Variants in NPIPB11 observed in about 807,000 individuals in gnomAD.
NPIPB11 encodes the protein nuclear pore complex-interacting protein family member B11.
A neutral mutation model predicts 32.8 loss-of-function variants in NPIPB11; 17 were observed. The observed-to-expected ratio is 0.52, with a 90% CI of 0.35 to 0.78. NPIPB11 has a LOEUF of 0.78. Ranked by LOEUF, NPIPB11 falls within the 30% of genes least tolerant of loss-of-function variation. The pLI is 0.01. For synonymous variants in NPIPB11, 209 were observed against 398.4 expected (o/e 0.52, Z 5.66); for missense variants, 537 against 1,000.4 (o/e 0.54, Z 6.25).
upstream of NPIPB11, among the ~76,000 whole-genome samples, chr16:29,406,565 T>C (rs979443586): frequency 6.6e-5 from 10 of 152,166 alleles, no homozygotes; most frequent in African/African-American, 2.4e-4. Flanking sequence ...AATACAAAAA[T>C]TAGCCATGCC....
chr16:29,382,367 C>T (rs76780041), exon 8 of NPIPB11: 12 of 500,354 alleles, frequency 2.4e-5, no homozygotes, highest in Admixed American at 8.4e-5. Flanking sequence ...AGCTGACGCT[C>T]GGAAGGTGTC....
At chr16:29,397,122 G>A (rs1275652750) in intron 2 of NPIPB11, among the ~76,000 whole-genome samples, 2 of 148,422 alleles carry the variant, frequency 1.3e-5, no homozygotes, top group Admixed American at 6.7e-5. Flanking sequence ...AGTGAGCCGA[G>A]ATCTTGCCAC....
chr16:29,403,930 C>G (rs1289799997), intron 1 of NPIPB11, 73 bp downstream of exon 1: 1 of 607,950 alleles, frequency 1.6e-6, no homozygotes, highest in Non-Finnish European at 2.8e-6. Context: ...CAGAAAAGGA[C>G]AGAACCAAGT....
chr16:29,402,724 C>CTCTCTCTCTCTCTG (rs1449821025), intron 2 of NPIPB11, among the ~76,000 whole-genome samples: 10 of 119,674 alleles, frequency 8.4e-5, no homozygotes, highest in South Asian at 6.8e-4. Context: ...CTCTCTCTCT[C>CTCTCTCTCTCTCTG]TGTGTGTGTG....
rs1475474446 is a variant in NPIPB11 at position 29,387,815 on chromosome 16, T to TA, written c.546-1961dup. On this transcript the variant is annotated intron_variant, in intron 5 of 7. Transcript: ENST00000524087. ...TCCTGATCCTAAGGATCTCACCTGA[T>TA]ACTTGGTTTTATAGGAAGGATGTGT... is the stretch of plus-strand genomic sequence containing the variant. Among the ~76,000 whole-genome samples the TA allele has an allele frequency of 2.0e-4, 10 of 49,836 alleles. 1 individual carries two copies. Among genetic ancestry groups the TA allele is most frequent in the Non-Finnish European group, 4.8e-4 (9 of 18,844 alleles). 32.7% of individuals were successfully genotyped at this position (49,836 alleles called of 152,430 possible).
upstream of NPIPB11, among the ~76,000 whole-genome samples, chr16:29,406,347 T>C (rs556206468): frequency 2.0e-5 from 3 of 152,412 alleles, no homozygotes; most frequent in South Asian, 2.1e-4. Context: ...AAAAATTGCA[T>C]ACATTTATAC....
chr16:29,397,044 C>T lies in NPIPB11; in HGVS notation c.121-2968G>A, dbSNP rs970000516. Among the ~76,000 whole-genome samples the T allele has an allele frequency of 7.0e-4, 106 of 151,018 alleles. 1 individual carries two copies. Among genetic ancestry groups the T allele is most frequent in the Admixed American group, 2.8e-3 (42 of 15,164 alleles). Reference sequence around the variant, plus strand: ...ACTAAAAATACAAAAATTAGCCAGGCGTTGTAATCTGAGCTACTCAGGAGG... The same window carrying T: ...ACTAAAAATACAAAAATTAGCCAGGTGTTGTAATCTGAGCTACTCAGGAGG... On this transcript the variant is annotated intron_variant, in intron 2 of 7. Transcript: ENST00000524087.
chr16:29,405,550 A>G (rs1301979328), upstream of NPIPB11, among the ~76,000 whole-genome samples: 7 of 152,168 alleles, frequency 4.6e-5, no homozygotes. Flanking sequence ...CAAGGTAGTT[A>G]GTTGTTTTTC....
chr16:29,394,034 A>G, exon 3 of NPIPB11: 1 of 1,599,478 alleles, frequency 6.3e-7, no homozygotes, highest in Non-Finnish European at 8.5e-7. Context: ...CTTCCACCAA[A>G]GTCAGTCCCA....
upstream of NPIPB11, among the ~76,000 whole-genome samples, chr16:29,406,328 A>G (rs1177378187): frequency 3.2e-4 from 48 of 152,356 alleles, no homozygotes; most frequent in East Asian, 5.8e-4. Flanking sequence ...TTGTTGATAT[A>G]CGTGTTCCAA....
rs1334081133 is a variant in NPIPB11 at position 29,383,798 on chromosome 16, C to T, written c.1134G>A (p.Arg378=). 1.0e-5 allele frequency: 12 copies of T among 1,169,258 alleles called. 2 individuals carry two copies. The highest frequency in any genetic ancestry group is 1.2e-5 in the Non-Finnish European group (11 of 880,302). The allele number at this position is 1,169,258 out of a possible 1,614,324, so 72.4% of individuals were successfully genotyped here. A position where few individuals can be genotyped will look rare whatever the true frequency, so the allele number is the denominator to read the frequency against. Residue 378 remains arginine, a synonymous_variant, in exon 8 of 8, where the codon CGG becomes CGA. Coordinates refer to ENST00000524087, the Ensembl canonical transcript of NPIPB11. ...CATCCGCTGAGGGTGGAAGCGGCCC[C>T]CGCAGACGCTCGGCAGTTGTCTTGA...
intron 5 of NPIPB11, among the ~76,000 whole-genome samples, chr16:29,389,251 G>C (rs1399726460): frequency 6.8e-6 from 1 of 147,952 alleles, no homozygotes; most frequent in Non-Finnish European, 1.5e-5. Context: ...TGTAATCCAA[G>C]CTACTCGGGA....
intron 2 of NPIPB11, among the ~76,000 whole-genome samples, chr16:29,402,387 C>A (rs1213029417): frequency 2.7e-5 from 3 of 112,112 alleles, no homozygotes; most frequent in African/African-American, 1.2e-4. Context: ...CAGTGTTTTT[C>A]TCTTCATAGT....
At chr16:29,402,698 G>GTC (rs762980727) in intron 2 of NPIPB11, among the ~76,000 whole-genome samples, 28,604 of 117,304 alleles carry the variant, frequency 0.24, 3,552 homozygotes, top group Middle Eastern at 0.37. Context: ...GTGAAACTCT[G>GTC]TCTCTCTCTC....
intron 2 of NPIPB11, chr16:29,397,521 C>T (rs1184386058): frequency 8.7e-6 from 13 of 1,499,074 alleles, no homozygotes; most frequent in Non-Finnish European, 1.2e-5. Flanking sequence ...CCGCGTGACA[C>T]AGCCCAGTAA....
chr16:29,389,053 G>T (rs1288052930), intron 5 of NPIPB11, among the ~76,000 whole-genome samples: 1 of 151,424 alleles, frequency 6.6e-6, no homozygotes, highest in Admixed American at 6.6e-5. Flanking sequence ...AAATTATCCG[G>T]GCATGGTGGC....
intron 2 of NPIPB11, among the ~76,000 whole-genome samples, chr16:29,400,117 G>C (rs1314795020): frequency 6.6e-6 from 1 of 151,668 alleles, no homozygotes; most frequent in East Asian, 2.0e-4. Flanking sequence ...GGTTGTGTTG[G>C]TTGTAAAAGG....
At chr16:29,401,590 C>T (rs956036067) in intron 2 of NPIPB11, among the ~76,000 whole-genome samples, 3 of 152,154 alleles carry the variant, frequency 2.0e-5, no homozygotes, top group African/African-American at 4.8e-5. Flanking sequence ...TGTAGGCTGA[C>T]ACCATATGAC....
At chr16:29,397,639 G>C in intron 2 of NPIPB11, 1 of 1,437,402 alleles carries the variant, frequency 7.0e-7, no homozygotes, top group Non-Finnish European at 9.5e-7. Context: ...CACCGCCCCC[G>C]CATGTCCTGG....
Sources: allele counts gnomAD v4.1 joint callset (sites outside exome capture counted in the v4.1 genomes callset), GRCh38; gene constraint gnomAD v4.1.1; transcripts MANE v1.5; gene names NCBI Gene and HGNC (gene_info 2026-07-23, HGNC 2026-07-21).